The following P4HA3 variants were observed in gnomAD, a reference collection of about 807,000 sequenced individuals.
The protein encoded by P4HA3 is prolyl 4-hydroxylase subunit alpha-3.
P4HA3 carries 60 observed loss-of-function variants against 66.7 expected under a neutral mutation model. The observed-to-expected ratio is 0.90, with a 90% confidence interval of 0.73 to 1.12. The LOEUF (loss-of-function observed/expected upper bound fraction) is 1.12. Among genes scored for constraint, P4HA3 ranks in the 50% most tolerant of loss-of-function variants. P4HA3 has a pLI of 0.00. For missense variants in P4HA3, 683 were observed against 685.8 expected, an observed-to-expected ratio of 1.00 and a Z score of 0.05; for synonymous variants, 263 against 274.6, an observed-to-expected ratio of 0.96 and a Z score of 0.42.
chr11:74,259,374 A>AT (rs545897177), intron 15 of P4HA3, among the ~76,000 whole-genome samples: 97 of 152,304 alleles, frequency 6.4e-4, no homozygotes, highest in African/African-American at 2.3e-3. Flanking sequence ...CAAGAGCAAG[A>AT]TTCTGTCTCA....
At chr11:74,272,916 G>A (rs538133345) in intron 10 of P4HA3, among the ~76,000 whole-genome samples, 6 of 152,360 alleles carry the variant, frequency 3.9e-5, no homozygotes, top group African/African-American at 1.2e-4. Context: ...GGGGACAGGT[G>A]AGATGATACA....
chr11:74,286,120 C>T lies in P4HA3; in HGVS notation c.933+108G>A. ...GTCACTCTGATGCTGCCCAAGTGAGCTTTATTGTTTTTAATGCATCAGCTC... is the reference window on the plus strand; with the variant it reads ...GTCACTCTGATGCTGCCCAAGTGAGTTTTATTGTTTTTAATGCATCAGCTC... On this transcript the variant is annotated intron_variant, in intron 6 of 12. Transcript: ENST00000331597. The T allele has an allele frequency of 4.0e-6, 6 of 1,488,076 alleles. No homozygotes were observed. In the South Asian group the frequency reaches 7.6e-5, roughly 19 times the overall value. The allele number at this position is 1,488,076 out of a possible 1,614,324, so 92.2% of individuals were successfully genotyped here. A position where few individuals can be genotyped will look rare whatever the true frequency, so the allele number is the denominator to read the frequency against.
chr11:74,305,808 A>G (rs565234991), intron 1 of P4HA3, among the ~76,000 whole-genome samples: 1 of 152,332 alleles, frequency 6.6e-6, no homozygotes, highest in African/African-American at 2.4e-5. Context: ...GAAAGAATGA[A>G]GTATACTCTC....
chr11:74,252,618 C>G (rs1474290032), intron 15 of P4HA3: 8 of 443,212 alleles, frequency 1.8e-5, no homozygotes, highest in Non-Finnish European at 3.6e-5. Flanking sequence ...ATTGTGGGGA[C>G]TGTCCTGTGC....
intron 4 of P4HA3, among the ~76,000 whole-genome samples, chr11:74,295,756 AC>A (rs1358969556): frequency 6.6e-6 from 1 of 152,170 alleles, no homozygotes; most frequent in Non-Finnish European, 1.5e-5. Flanking sequence ...AGAGAACCTA[AC>A]CATTCCACTA....
Position 74,289,089 on chromosome 11 carries a change from A to G in P4HA3, c.759T>C (p.Phe253=). ...TTATCCATTACGTACTGTAGAGAAG[A>G]AACTCCCGAGAGAGGCTGAGGGCAC... ...VSCALSLSRE[F]LLYSPDNKRM... The change falls in exon 5 of 13, where the codon TTT becomes TTC. Residue 253 remains phenylalanine (F), a synonymous_variant. Transcript: ENST00000331597. The G allele has an allele frequency of 6.3e-7, 1 of 1,585,136 alleles. No individual in the cohort carries two copies. Among genetic ancestry groups the G allele is most frequent in the Non-Finnish European group, 8.6e-7 (1 of 1,167,500 alleles).
chr11:74,263,577 C>T (rs1050427742), downstream of P4HA3, among the ~76,000 whole-genome samples: 11 of 152,242 alleles, frequency 7.2e-5, no homozygotes, highest in Admixed American at 5.9e-4. Flanking sequence ...TGTTCTCTGA[C>T]TCAGTTTCCC....
intron 7 of P4HA3, 90 bp downstream of exon 7, chr11:74,285,719 T>C (rs1232609476): frequency 1.4e-5 from 19 of 1,360,256 alleles, no homozygotes; most frequent in Non-Finnish European, 1.7e-5. Flanking sequence ...TTGAGGTGTC[T>C]AGTTGTTCAG....
chr11:74,311,358 G>C (rs2134846746), intron 1 of P4HA3, 54 bp downstream of exon 1: 1 of 1,419,638 alleles, frequency 7.0e-7, no homozygotes, highest in East Asian at 2.9e-5. Context: ...CCACCCTGCG[G>C]CACAGTGTAT....
intron 1 of P4HA3, among the ~76,000 whole-genome samples, chr11:74,310,212 T>C (rs1354261039): frequency 6.6e-6 from 1 of 152,232 alleles, no homozygotes; most frequent in Non-Finnish European, 1.5e-5. Flanking sequence ...CACATATTCA[T>C]ACAGATGGTA....
At chr11:74,298,656 A>G (rs1451383412) in intron 3 of P4HA3, among the ~76,000 whole-genome samples, 2 of 152,232 alleles carry the variant, frequency 1.3e-5, no homozygotes, top group Non-Finnish European at 2.9e-5. Context: ...AATGTATACT[A>G]TGCTGTGGTG....
intron 11 of P4HA3, among the ~76,000 whole-genome samples, chr11:74,268,579 G>A (rs1182475150): frequency 2.6e-5 from 4 of 152,164 alleles, no homozygotes; most frequent in Non-Finnish European, 5.9e-5. Flanking sequence ...TTGTCATTGG[G>A]TCACTGAGGA....
chr11:74,306,494 T>C (rs559001505), intron 1 of P4HA3, among the ~76,000 whole-genome samples: 17 of 151,950 alleles, frequency 1.1e-4, no homozygotes, highest in African/African-American at 3.6e-4. Flanking sequence ...ACTTCAAAAA[T>C]AGTATAACAA....
At chr11:74,279,872 A>G (rs1860531372) in intron 7 of P4HA3, among the ~76,000 whole-genome samples, 1 of 152,200 alleles carries the variant, frequency 6.6e-6, no homozygotes, top group Non-Finnish European at 1.5e-5. Flanking sequence ...GTCGAATTAA[A>G]TGAACACCTC....
downstream of P4HA3, among the ~76,000 whole-genome samples, chr11:74,262,063 T>C (rs1202339574): frequency 6.6e-6 from 1 of 152,208 alleles, no homozygotes; most frequent in Non-Finnish European, 1.5e-5. Context: ...GTGGTCATTA[T>C]TTTTTAGTTA....
intron 9 of P4HA3, among the ~76,000 whole-genome samples, chr11:74,276,545 C>T (rs75549692): frequency 0.022 from 3,294 of 152,058 alleles, 110 homozygotes; most frequent in African/African-American, 0.073. Flanking sequence ...GAGCAAGATG[C>T]TGCCTATAAA....
At chr11:74,276,700 G>A (rs576169882) in intron 9 of P4HA3, among the ~76,000 whole-genome samples, 1 of 152,154 alleles carries the variant, frequency 6.6e-6, no homozygotes, top group Non-Finnish European at 1.5e-5. Flanking sequence ...CTGGAGGAAG[G>A]ACAATCCTCA....
At position 74,269,645 on chromosome 11, in the gene P4HA3, C is replaced by T; in HGVS notation, c.1467+7G>A. On this transcript the variant is annotated splice_region_variant and intron_variant, in intron 11 of 12. Coordinates refer to ENST00000331597, the MANE Select transcript of P4HA3 (RefSeq NM_182904.5). ...ACCCCGTCTTCTGGGACCAGGGCCCCACTCACCCTAACCACAGGCACGCTG... is the reference window on the plus strand; with the variant it reads ...ACCCCGTCTTCTGGGACCAGGGCCCTACTCACCCTAACCACAGGCACGCTG... 6.2e-7 allele frequency: 1 copy of T among 1,612,500 alleles called. No homozygotes were observed. The highest frequency in any genetic ancestry group is 1.1e-5 in the South Asian group (1 of 90,794).
rs779313817 is a variant in P4HA3 at position 74,303,292 on chromosome 11, C to CTTT, written c.344-703_344-701dup. ...TAGCTTTCCAAAAATCAACAAACTTCTTTTTTTTTTTTTTTTTTTTGAGAC... is the reference window on the plus strand; with the variant it reads ...TAGCTTTCCAAAAATCAACAAACTTCTTTTTTTTTTTTTTTTTTTTTTTGAGAC... On this transcript the variant is annotated intron_variant, in intron 2 of 12. Transcript: ENST00000331597. Among the ~76,000 whole-genome samples, 241 of 123,188 alleles carry CTTT rather than the reference C, an allele frequency of 2.0e-3. 1 individual carries two copies. The highest frequency in any genetic ancestry group is 4.5e-3 in the South Asian group (17 of 3,778). The allele number at this position is 123,188 out of a possible 152,430, so 80.8% of individuals were successfully genotyped here.
Sources: gnomAD v4.1 joint callset for allele counts (sites outside exome capture counted in the v4.1 genomes callset) on GRCh38, gnomAD v4.1.1 for gene constraint, MANE v1.5 for transcripts, NCBI Gene and HGNC (gene_info 2026-07-23, HGNC 2026-07-21) for gene names.